TBC1D20: variants seen among roughly 807,000 people sequenced by gnomAD.
TBC1D20 encodes TBC1 domain family member 20, also known as chromosome 20 open reading frame 140.
TBC1D20 carries 12 observed loss-of-function variants against 41.6 expected under a neutral mutation model. The observed-to-expected ratio is 0.29, with a 90% CI of 0.18 to 0.47. TBC1D20 has a LOEUF of 0.47. Among genes scored for constraint, TBC1D20 ranks in the 20% least tolerant of loss-of-function variants. The probability of loss-of-function intolerance (pLI) is 1.00; values close to 1 mark genes in which losing one functional copy is unlikely to be tolerated. For missense variants in TBC1D20, 421 were observed against 517.4 expected, an observed-to-expected ratio of 0.81 and a Z score of 1.81; for synonymous variants, 205 against 204.8, an observed-to-expected ratio of 1.00 and a Z score of -0.01.
rs549585220 is a variant in TBC1D20 at position 443,748 on chromosome 20, C to G, written c.337+1302G>C. ...CCATGAATGGAAAAAGAATATGAAGCCACACTGTAAGTTCAGCCTACAGAA... is the reference window on the plus strand; with the variant it reads ...CCATGAATGGAAAAAGAATATGAAGGCACACTGTAAGTTCAGCCTACAGAA... On this transcript the variant is annotated intron_variant, in intron 3 of 7. Transcript: ENST00000354200. Among the ~76,000 whole-genome samples the G allele has an allele frequency of 6.6e-5, 10 of 152,216 alleles. No individual in the cohort carries two copies. The South Asian group carries it at 1.7e-3, about 25-fold the overall frequency.
Position 439,388 on chromosome 20 carries a change from T to A in TBC1D20, c.769-93A>T, listed in dbSNP as rs2017183252. The A allele has an allele frequency of 9.9e-7, 1 of 1,008,494 alleles. No individual in the cohort carries two copies. The highest frequency in any genetic ancestry group is 1.5e-6 in the Non-Finnish European group (1 of 680,854). 62.5% of individuals were successfully genotyped at this position (1,008,494 alleles called of 1,614,324 possible). On this transcript the variant is annotated intron_variant, in intron 6 of 7. Transcript: ENST00000354200. The surrounding 1 kb of genome is among the most constrained non-coding windows in gnomAD (Gnocchi z 4.6). ...ATTATCCTTGCAGATGAATTTAAAC[T>A]GGTAACAGACAGGACTCAGCCCAAA...
At chr20:442,064 G>A (rs1339790865) in intron 3 of TBC1D20, 21 bp from the exon 4 acceptor site, 3 of 1,575,980 alleles carry the variant, frequency 1.9e-6, no homozygotes, top group Non-Finnish European at 2.6e-6. Flanking sequence ...GAACAGAGAT[G>A]CCTTTGAACA....
At chr20:457,280 T>C (rs1407067714) in intron 1 of TBC1D20, among the ~76,000 whole-genome samples, 2 of 152,208 alleles carry the variant, frequency 1.3e-5, no homozygotes, top group East Asian at 3.9e-4. Flanking sequence ...GGTCTCACTC[T>C]GTTGCCTTGG....
intron 1 of TBC1D20, among the ~76,000 whole-genome samples, chr20:448,512 A>ACCCC (rs2017380667): frequency 6.6e-6 from 1 of 151,510 alleles, no homozygotes; most frequent in African/African-American, 2.4e-5. Flanking sequence ...AATATGGTGA[A>ACCCC]CCCCCGTCTC....
intron 6 of TBC1D20, 49 bp downstream of exon 6, chr20:440,199 T>C: frequency 6.3e-7 from 1 of 1,596,574 alleles, no homozygotes; most frequent in Non-Finnish European, 8.5e-7. Context: ...ATGACCACAG[T>C]GGGATGGGTG....
chr20:455,784 T>C (rs2122421848), intron 1 of TBC1D20, among the ~76,000 whole-genome samples: 1 of 149,296 alleles, frequency 6.7e-6, no homozygotes, highest in East Asian at 2.0e-4. Flanking sequence ...AATACAAAAT[T>C]AGCCAGGCGT....
intron 2 of TBC1D20, among the ~76,000 whole-genome samples, chr20:447,014 A>C (rs2017346014): frequency 7.0e-6 from 1 of 141,910 alleles, no homozygotes; most frequent in Non-Finnish European, 1.5e-5. Context: ...CAGTGGTGCA[A>C]TCTCTGCTCA....
chr20:451,089 T>G (rs893895868), intron 1 of TBC1D20, among the ~76,000 whole-genome samples: 6 of 152,064 alleles, frequency 3.9e-5, no homozygotes, highest in East Asian at 1.9e-4. Flanking sequence ...TCAAAAAAGG[T>G]GCATGCAGAC....
At chr20:461,425 C>T (rs1463378247) in intron 1 of TBC1D20, among the ~76,000 whole-genome samples, 3 of 152,186 alleles carry the variant, frequency 2.0e-5, no homozygotes, top group Non-Finnish European at 2.9e-5. Flanking sequence ...AGTGCAGTGG[C>T]GCAATCATAG....
At position 438,335 on chromosome 20, in the gene TBC1D20, C is replaced by T. The variant is rs552009976; in HGVS notation, c.*251G>A. 9.8e-6 allele frequency: 5 copies of T among 512,590 alleles called. No individual in the cohort carries two copies. Among genetic ancestry groups the T allele is most frequent in the Non-Finnish European group, 1.7e-5 (5 of 288,738 alleles). 31.8% of individuals were successfully genotyped at this position (512,590 alleles called of 1,614,324 possible). ...ACTTCCTCCAACACCAGGGAGGTGGCAGAGAGCCCATCCAAAAGCCCACTG... is the reference window on the plus strand; with the variant it reads ...ACTTCCTCCAACACCAGGGAGGTGGTAGAGAGCCCATCCAAAAGCCCACTG... On this transcript the variant is annotated 3_prime_UTR_variant, in exon 8 of 8. Coordinates refer to ENST00000354200, the MANE Select transcript of TBC1D20 (RefSeq NM_144628.4).
rs1208475678 is a variant in TBC1D20 at position 435,590 on chromosome 20, G to A, written c.*2996C>T. The A allele has an allele frequency of 6.5e-6, 1 of 153,632 alleles. No homozygotes were observed. The highest frequency in any genetic ancestry group is 2.4e-5 in the African/African-American group (1 of 41,442). 9.5% of individuals were successfully genotyped at this position (153,632 alleles called of 1,614,324 possible). On this transcript the variant is annotated 3_prime_UTR_variant, in exon 8 of 8. Transcript: ENST00000354200. ...CTGGACGGGTCCTGGGCAAATGCTGGAGCTTCTGTCCCCATGGAGTGGGGG... is the reference window on the plus strand; with the variant it reads ...CTGGACGGGTCCTGGGCAAATGCTGAAGCTTCTGTCCCCATGGAGTGGGGG...
At chr20:447,141 T>TA (rs2017350184) in intron 2 of TBC1D20, among the ~76,000 whole-genome samples, 1 of 146,694 alleles carries the variant, frequency 6.8e-6, no homozygotes, top group African/African-American at 2.5e-5. Flanking sequence ...TTTTTTTTTT[T>TA]AGTAGAGATG....
intron 5 of TBC1D20, 156 bp downstream of exon 5, chr20:441,432 T>C: frequency 1.5e-6 from 1 of 650,134 alleles, no homozygotes; most frequent in Non-Finnish European, 2.7e-6. Flanking sequence ...AAGAACTGAA[T>C]TACCCAGATT....
chr20:454,610 C>T (rs2017509847), intron 1 of TBC1D20, among the ~76,000 whole-genome samples: 1 of 151,956 alleles, frequency 6.6e-6, no homozygotes, highest in Non-Finnish European at 1.5e-5. Flanking sequence ...TAGTCTGAGA[C>T]CATTGTGAGT....
intron 1 of TBC1D20, among the ~76,000 whole-genome samples, chr20:448,705 A>AG (rs1016892862): frequency 4.6e-5 from 7 of 151,262 alleles, no homozygotes; most frequent in African/African-American, 1.7e-4. Context: ...AAAAAAAAAA[A>AG]AGAGACATTG....
intron 2 of TBC1D20, among the ~76,000 whole-genome samples, chr20:447,038 C>CTTCCAGG (rs1348749103): frequency 6.7e-6 from 1 of 148,544 alleles, no homozygotes; most frequent in African/African-American, 2.5e-5. Flanking sequence ...CAACCTCCAC[C>CTTCCAGG]TTCCAGGTTC....
At position 438,649 on chromosome 20, in the gene TBC1D20, T is replaced by C; in HGVS notation, c.1149A>G (p.Ala383=). 1 of 1,614,218 alleles carries C rather than the reference T, an allele frequency of 6.2e-7. No homozygotes were observed. The highest frequency in any genetic ancestry group is 1.1e-5 in the South Asian group (1 of 91,082). ...MGLTVALGAA[A]LAVVKSALEW... The stretch of plus-strand genomic sequence containing the variant: ...CCAGGGCACTTTTCACCACAGCCAG[T>C]GCAGCCGCTCCAAGTGCCACTGTCA... The change falls in exon 8 of 8, where the codon GCA becomes GCG. Residue 383 remains alanine, a synonymous_variant. Coordinates refer to ENST00000354200, the MANE Select transcript of TBC1D20 (RefSeq NM_144628.4).
intron 1 of TBC1D20, among the ~76,000 whole-genome samples, chr20:456,567 T>A (rs1384381959): frequency 2.0e-5 from 3 of 151,448 alleles, no homozygotes; most frequent in Non-Finnish European, 4.4e-5. Context: ...CTTTTTTTCT[T>A]CTTCTTTTTT....
Position 453,969 on chromosome 20 carries a change from G to A in TBC1D20, c.71-5895C>T, listed in dbSNP as rs1236114599. 3.4e-5 allele frequency among the ~76,000 whole-genome samples: 5 copies of A among 148,504 alleles called. No individual in the cohort carries two copies. The East Asian group carries it at 5.8e-4, about 17-fold the overall frequency. ...AAAATACAATAATTAGGCCAGGTGCGGTGGCTCACGCCTGCAATTCCAGCA... is the reference window on the plus strand; with the variant it reads ...AAAATACAATAATTAGGCCAGGTGCAGTGGCTCACGCCTGCAATTCCAGCA... On this transcript the variant is annotated intron_variant, in intron 1 of 7. Coordinates refer to ENST00000354200, the MANE Select transcript of TBC1D20 (RefSeq NM_144628.4).
Sources: allele counts gnomAD v4.1 joint callset (sites outside exome capture counted in the v4.1 genomes callset), GRCh38; gene constraint gnomAD v4.1.1; non-coding constraint Gnocchi (gnomAD v3.1); transcripts MANE v1.5; gene names NCBI Gene and HGNC (gene_info 2026-07-23, HGNC 2026-07-21).